TMEM64: variants seen among roughly 807,000 people sequenced by gnomAD.
The protein encoded by TMEM64 is transmembrane protein 64.
Under a neutral mutation model 24.5 loss-of-function variants are expected in TMEM64, and 19 were observed. The ratio of observed to expected loss-of-function variants is 0.78; its 90% CI spans 0.54 to 1.14. The LOEUF (loss-of-function observed/expected upper bound fraction) is 1.14, where lower values mean the gene tolerates loss of function less well. Ranked by LOEUF, TMEM64 falls within the 50% of genes most tolerant of loss-of-function variation. TMEM64 has a pLI of 0.00. For missense variants in TMEM64, 487 were observed against 493.0 expected, an observed-to-expected ratio of 0.99 and a Z score of 0.12; for synonymous variants, 262 against 224.7, an observed-to-expected ratio of 1.17 and a Z score of -1.49.
At chr8:90,629,097 C>G (rs1353854902) in intron 2 of TMEM64, among the ~76,000 whole-genome samples, 1 of 149,452 alleles carries the variant, frequency 6.7e-6, no homozygotes, top group African/African-American at 2.6e-5. Context: ...AACCTAAGCT[C>G]TCTTTTTTTC....
intron 1 of TMEM64, among the ~76,000 whole-genome samples, chr8:90,639,418 G>A (rs982126954): frequency 6.6e-6 from 1 of 152,094 alleles, no homozygotes; most frequent in African/African-American, 2.4e-5. Context: ...TTCTCTCAAG[G>A]GGGGAAAAAT....
At chr8:90,641,185 T>C (rs898345625) in intron 1 of TMEM64, among the ~76,000 whole-genome samples, 2 of 152,186 alleles carry the variant, frequency 1.3e-5, no homozygotes, top group Non-Finnish European at 2.9e-5. Flanking sequence ...CACCAGGTAG[T>C]AAACAGTTCA....
At chr8:90,635,150 G>A (rs1389064360) in intron 1 of TMEM64, among the ~76,000 whole-genome samples, 1 of 152,158 alleles carries the variant, frequency 6.6e-6, no homozygotes, top group Admixed American at 6.5e-5. Flanking sequence ...GAAACAGGCA[G>A]AATGGGGAGC....
intron 1 of TMEM64, among the ~76,000 whole-genome samples, chr8:90,638,573 T>C (rs1809556940): frequency 6.6e-6 from 1 of 152,162 alleles, no homozygotes; most frequent in Non-Finnish European, 1.5e-5. Context: ...ATAAATTCTG[T>C]GAGGAAAGGG....
Position 90,625,361 on chromosome 8 carries a change from C to A in TMEM64, c.*310G>T. The A allele has an allele frequency of 9.7e-6, 2 of 205,378 alleles. No homozygotes were observed. The highest frequency in any genetic ancestry group is 1.0e-4 in the East Asian group (1 of 9,536). The allele number at this position is 205,378 out of a possible 1,614,324, so 12.7% of individuals were successfully genotyped here. Reference sequence around the variant, plus strand: ...GGGCTTTATAAATAAAGACACTAAGCAGAAATAATATTTGGGTTATTTCTC... The same window carrying A: ...GGGCTTTATAAATAAAGACACTAAGAAGAAATAATATTTGGGTTATTTCTC... On this transcript the variant is annotated 3_prime_UTR_variant, in exon 3 of 3. Transcript: ENST00000458549.
intron 1 of TMEM64, 29 bp from the exon 2 acceptor site, chr8:90,631,736 C>A: frequency 6.4e-7 from 1 of 1,568,102 alleles, no homozygotes; most frequent in Non-Finnish European, 8.7e-7. Flanking sequence ...GGGAATGATT[C>A]ATTACCAAGT....
rs553054114 is a variant in TMEM64, at chr8:90,625,713, CTTG to C, written c.1098_1100del (p.Asn366del). The C allele has an allele frequency of 1.5e-5, 24 of 1,613,854 alleles. No homozygotes were observed. In the South Asian group the frequency reaches 1.9e-4, roughly 13 times the overall value. On this transcript the variant is annotated inframe_deletion, in exon 3 of 3. Transcript: ENST00000458549. ...CACCTCCAGAAAATGTTAGGGTCCT[CTTG>C]TTGTAGAATGAAGAGCCACTGGTAT...
intron 1 of TMEM64, among the ~76,000 whole-genome samples, chr8:90,643,330 C>A (rs910508163): frequency 1.3e-5 from 2 of 152,196 alleles, no homozygotes; most frequent in East Asian, 1.9e-4. Context: ...GTATTCATCT[C>A]ATGTAATCTT....
At chr8:90,644,540 CAAAG>C (rs1465172533) in intron 1 of TMEM64, among the ~76,000 whole-genome samples, 3 of 152,154 alleles carry the variant, frequency 2.0e-5, no homozygotes, top group African/African-American at 4.8e-5. Flanking sequence ...GAAGTTCCTC[CAAAG>C]AAAGAAAGAT....
chr8:90,636,718 T>A (rs1809523450), intron 1 of TMEM64, among the ~76,000 whole-genome samples: 1 of 152,212 alleles, frequency 6.6e-6, no homozygotes. Context: ...TCTGTCTCCT[T>A]GTTCTACTTT....
intron 2 of TMEM64, among the ~76,000 whole-genome samples, chr8:90,630,125 G>T (rs1809415572): frequency 6.6e-6 from 1 of 152,192 alleles, no homozygotes; most frequent in South Asian, 2.1e-4. Flanking sequence ...CTGTATCTGT[G>T]GGGTATTGGT....
rs1182511381 is a variant in TMEM64, at chr8:90,623,239, T to C, written c.*2432A>G. The C allele has an allele frequency of 6.6e-6, 1 of 152,194 alleles. No individual in the cohort carries two copies. Among genetic ancestry groups the C allele is most frequent in the Non-Finnish European group, 1.5e-5 (1 of 68,026 alleles). 9.4% of individuals were successfully genotyped at this position (152,194 alleles called of 1,614,324 possible). On this transcript the variant is annotated 3_prime_UTR_variant, in exon 3 of 3. Transcript: ENST00000458549. ...ATTTGACATTTCATTTCTATAAATA[T>C]ACATGAGTGGAGACATTTTATAAGT...
chr8:90,630,677 C>CTCTTA (rs1809423383), intron 2 of TMEM64, among the ~76,000 whole-genome samples: 2 of 151,836 alleles, frequency 1.3e-5, no homozygotes, highest in Admixed American at 1.3e-4. Context: ...AATACATAAC[C>CTCTTA]AGCTCAAGAT....
chr8:90,628,587 G>A (rs796633008), intron 2 of TMEM64, among the ~76,000 whole-genome samples: 15 of 152,186 alleles, frequency 9.9e-5, no homozygotes, highest in African/African-American at 3.6e-4. Flanking sequence ...AAAAGAATAG[G>A]GGCAAAGCAG....
chr8:90,625,525 T>TAA lies in TMEM64; in HGVS notation c.*144_*145dup. ...CATACCCAGAAAATGATTCTTGCTT[T>TAA]AAAAAAAAAAAATTGTGCAATTTAA... On this transcript the variant is annotated 3_prime_UTR_variant, in exon 3 of 3. Coordinates refer to ENST00000458549, the MANE Select transcript of TMEM64 (RefSeq NM_001008495.4). The TAA allele has an allele frequency of 1.0e-4, 55 of 530,652 alleles. No homozygotes were observed. The highest frequency in any genetic ancestry group is 1.8e-4 in the South Asian group (5 of 28,532). The allele number at this position is 530,652 out of a possible 1,614,324, so 32.9% of individuals were successfully genotyped here. A position where few individuals can be genotyped will look rare whatever the true frequency, so the allele number is the denominator to read the frequency against.
rs1563951437 is a variant in TMEM64 at position 90,624,457 on chromosome 8, T to C, written c.*1214A>G. ...AAATAAAACGAATACATATGTAATA[T>C]GAATCATATGCCAAATTATATTCTA... On this transcript the variant is annotated 3_prime_UTR_variant, in exon 3 of 3. Transcript: ENST00000458549. The C allele has an allele frequency of 2.0e-5, 3 of 152,518 alleles. No homozygotes were observed. The highest frequency in any genetic ancestry group is 1.3e-4 in the Admixed American group (2 of 15,274). The allele number at this position is 152,518 out of a possible 1,614,324, so 9.4% of individuals were successfully genotyped here.
intron 1 of TMEM64, among the ~76,000 whole-genome samples, chr8:90,639,727 T>C (rs182346886): frequency 2.4e-3 from 370 of 152,296 alleles, no homozygotes; most frequent in African/African-American, 8.2e-3. Context: ...ATCAATAAAA[T>C]GCAAAGAGAA....
At chr8:90,631,270 T>C (rs2130499127) in intron 2 of TMEM64, among the ~76,000 whole-genome samples, 1 of 152,342 alleles carries the variant, frequency 6.6e-6, no homozygotes, top group African/African-American at 2.4e-5. Context: ...TGATTTGTGA[T>C]GACTCTGAAA....
At chr8:90,632,366 A>G (rs1222061127) in intron 1 of TMEM64, among the ~76,000 whole-genome samples, 1 of 152,078 alleles carries the variant, frequency 6.6e-6, no homozygotes, top group Non-Finnish European at 1.5e-5. Context: ...TCTGTCGCCC[A>G]GGTTGGAGTG....
Sources: gnomAD v4.1 joint callset for allele counts (sites outside exome capture counted in the v4.1 genomes callset) on GRCh38, gnomAD v4.1.1 for gene constraint, MANE v1.5 for transcripts, NCBI Gene and HGNC (gene_info 2026-07-23, HGNC 2026-07-21) for gene names.